TBC1D5: variants seen among roughly 807,000 people sequenced by gnomAD.
TBC1D5 encodes TBC1 domain family, member 5.
Under a neutral mutation model 100.3 loss-of-function variants are expected in TBC1D5, and 75 were observed. That is an observed-to-expected ratio of 0.75 (90% confidence interval 0.62 to 0.91). The LOEUF is 0.91. Among genes scored for constraint, TBC1D5 ranks in the 40% least tolerant of loss-of-function variants. The pLI, the probability that TBC1D5 is intolerant of heterozygous loss-of-function variation, is 0.00. For synonymous variants in TBC1D5, 323 were observed against 325.6 expected (o/e 0.99, Z 0.09); for missense variants, 910 against 942.4 (o/e 0.97, Z 0.45).
intron 16 of TBC1D5, among the ~76,000 whole-genome samples, chr3:17,244,573 G>T (rs1435270134): frequency 6.7e-6 from 1 of 149,850 alleles, no homozygotes; most frequent in Non-Finnish European, 1.5e-5. Flanking sequence ...TTCTCAAATT[G>T]TTCTATCTAT....
chr3:17,426,111 T>C (rs1438013596), intron 4 of TBC1D5, among the ~76,000 whole-genome samples: 2 of 152,170 alleles, frequency 1.3e-5, no homozygotes, highest in Middle Eastern at 3.2e-3. Context: ...AAAGGTAGAA[T>C]TGTCATGCAA....
Position 17,238,161 on chromosome 3 carries a change from A to C in TBC1D5, c.1588+2T>G, listed in dbSNP as rs753166308. On this transcript the variant is annotated splice_donor_variant, in intron 17 of 21. Transcript: ENST00000253692. LOFTEE classifies it high-confidence loss of function. ...TTTAGATTTACTAGTATTTTTTCCT[A>C]CCTTTGTTCAATTGCACAGGCATGC... The C allele has an allele frequency of 2.5e-6, 4 of 1,609,980 alleles. No individual in the cohort carries two copies. The highest frequency in any genetic ancestry group is 3.4e-6 in the Non-Finnish European group (4 of 1,178,276).
chr3:17,615,493 A>G (rs1267068772), intron 2 of TBC1D5, among the ~76,000 whole-genome samples: 1 of 152,154 alleles, frequency 6.6e-6, no homozygotes, highest in Non-Finnish European at 1.5e-5. Flanking sequence ...GGTAGAATTC[A>G]GCTGTGAATC....
At chr3:17,738,082 CATG>C (rs2077101495) in intron 1 of TBC1D5, among the ~76,000 whole-genome samples, 2 of 152,192 alleles carry the variant, frequency 1.3e-5, no homozygotes, top group Non-Finnish European at 2.9e-5. Flanking sequence ...TCACCAAAGA[CATG>C]TTTTTTTCTA....
chr3:17,729,081 TAAAG>T (rs1016016724), intron 1 of TBC1D5, among the ~76,000 whole-genome samples: 1 of 53,914 alleles, frequency 1.9e-5, no homozygotes. Context: ...AAACAGGCAA[TAAAG>T]AAAGAAAAAT....
intron 15 of TBC1D5, among the ~76,000 whole-genome samples, chr3:17,268,127 G>C (rs960379826): frequency 6.6e-6 from 1 of 151,656 alleles, no homozygotes; most frequent in African/African-American, 2.4e-5. Context: ...CATGTAGATG[G>C]ACTTTTGCCT....
intron 16 of TBC1D5, among the ~76,000 whole-genome samples, chr3:17,252,429 A>G (rs145615228): frequency 2.4e-4 from 37 of 152,270 alleles, no homozygotes; most frequent in African/African-American, 8.4e-4. Context: ...AAGATTCCAG[A>G]ATTTTAATTC....
chr3:17,468,767 C>A (rs1199792823), intron 3 of TBC1D5, among the ~76,000 whole-genome samples: 2 of 152,150 alleles, frequency 1.3e-5, no homozygotes, highest in African/African-American at 4.8e-5. Context: ...TTTGAAACTG[C>A]AGGCTGTTTC....
chr3:17,648,343 CT>C (rs1489675676), intron 1 of TBC1D5, among the ~76,000 whole-genome samples: 1 of 152,124 alleles, frequency 6.6e-6, no homozygotes, highest in African/African-American at 2.4e-5. Context: ...GGATTAAAGA[CT>C]TAAAATGTAA....
At chr3:17,530,747 A>G (rs897992949) in intron 2 of TBC1D5, among the ~76,000 whole-genome samples, 1 of 152,206 alleles carries the variant, frequency 6.6e-6, no homozygotes, top group Admixed American at 6.5e-5. Flanking sequence ...CGATTATCTC[A>G]ATAGATGCAG....
chr3:17,530,708 T>C (rs1348683694), intron 2 of TBC1D5, among the ~76,000 whole-genome samples: 1 of 152,134 alleles, frequency 6.6e-6, no homozygotes, highest in African/African-American at 2.4e-5. Context: ...TAATCCAGCA[T>C]ATAAACAGAA....
At chr3:17,710,899 T>C (rs1350187406) in intron 1 of TBC1D5, among the ~76,000 whole-genome samples, 1 of 152,114 alleles carries the variant, frequency 6.6e-6, no homozygotes, top group Non-Finnish European at 1.5e-5. Context: ...AGTTTCACCA[T>C]GTTGAGTTAG....
intron 1 of TBC1D5, among the ~76,000 whole-genome samples, chr3:17,714,889 T>A (rs2075088351): frequency 1.3e-5 from 2 of 152,162 alleles, no homozygotes; most frequent in Admixed American, 1.3e-4. Flanking sequence ...TTGATCCCCA[T>A]TACATTACAG....
intron 1 of TBC1D5, among the ~76,000 whole-genome samples, chr3:17,667,687 AGC>A: frequency 6.6e-6 from 1 of 152,078 alleles, no homozygotes; most frequent in South Asian, 2.1e-4. Context: ...CGTGGGCTCA[AGC>A]TATCTACCCG....
chr3:17,714,341 T>C (rs1312619463), intron 1 of TBC1D5, among the ~76,000 whole-genome samples: 2 of 152,188 alleles, frequency 1.3e-5, no homozygotes, highest in Non-Finnish European at 2.9e-5. Context: ...AGATAATTTA[T>C]TTGATAAATT....
At chr3:17,725,124 CCT>C (rs1370030709) in intron 1 of TBC1D5, among the ~76,000 whole-genome samples, 1 of 152,122 alleles carries the variant, frequency 6.6e-6, no homozygotes, top group East Asian at 1.9e-4. Flanking sequence ...GTTTTTGCTG[CCT>C]CTTACTCATG....
At chr3:17,178,075 T>C (rs1425073531) in intron 19 of TBC1D5, among the ~76,000 whole-genome samples, 1 of 150,146 alleles carries the variant, frequency 6.7e-6, no homozygotes, top group Non-Finnish European at 1.5e-5. Context: ...CCTTTTTTTT[T>C]TTTTTTTTGA....
rs76070719 is a variant in TBC1D5 at position 17,200,016 on chromosome 3, C to G, written c.1752+14191G>C. Reference sequence around the variant, plus strand: ...CTTGGGTCTATGAACAACTGATGAGCTAGAGAGGGGAAAGGAGGGAGCTTC... The same window carrying G: ...CTTGGGTCTATGAACAACTGATGAGGTAGAGAGGGGAAAGGAGGGAGCTTC... On this transcript the variant is annotated intron_variant, in intron 18 of 21. Coordinates refer to ENST00000253692, the Ensembl canonical transcript of TBC1D5. Among the ~76,000 whole-genome samples the G allele has an allele frequency of 8.7e-3, 1,327 of 152,138 alleles. 15 individuals carry two copies. Among genetic ancestry groups the G allele is most frequent in the African/African-American group, 0.03 (1,250 of 41,476 alleles).
chr3:17,541,060 G>C (rs2096350828), intron 2 of TBC1D5, among the ~76,000 whole-genome samples: 1 of 151,466 alleles, frequency 6.6e-6, no homozygotes. Context: ...GATTACTGTA[G>C]CTTTGTAGTA....
Sources: gnomAD v4.1 joint callset for allele counts (sites outside exome capture counted in the v4.1 genomes callset) on GRCh38, gnomAD v4.1.1 for gene constraint, MANE v1.5 for transcripts, NCBI Gene and HGNC (gene_info 2026-07-23, HGNC 2026-07-21) for gene names.